Variants in KSR2 observed in about 807,000 individuals in gnomAD.
KSR2 encodes kinase suppressor of ras 2.
Under a neutral mutation model 107.8 loss-of-function variants are expected in KSR2, and 25 were observed. The observed-to-expected ratio is 0.23, with a 90% CI of 0.17 to 0.32. KSR2 has a LOEUF of 0.32. Ranked by LOEUF, KSR2 falls within the 10% of genes least tolerant of loss-of-function variation. KSR2 has a pLI of 1.00. For missense variants in KSR2, 887 were observed against 1,268.9 expected (o/e 0.70, Z 4.57); for synonymous variants, 480 against 507.0 (o/e 0.95, Z 0.71).
At chr12:117,482,852 C>T (rs1325497095) in intron 16 of KSR2, among the ~76,000 whole-genome samples, 2 of 152,214 alleles carry the variant, frequency 1.3e-5, no homozygotes, top group African/African-American at 4.8e-5. Flanking sequence ...TTTTATAAAA[C>T]AGCCCAGAAG....
chr12:117,567,981 A>G lies in KSR2; in HGVS notation c.1326-9408T>C, dbSNP rs547913690. Among the ~76,000 whole-genome samples the G allele has an allele frequency of 5.9e-5, 9 of 152,340 alleles. No individual in the cohort carries two copies. In the East Asian group the frequency reaches 1.7e-3, roughly 29 times the overall value. On this transcript the variant is annotated intron_variant, in intron 7 of 19. Transcript: ENST00000339824. ...CAAAACACCCTTTCCCTCACTGCTA[A>G]CAACTCAGTGGGGTCTAGCTCTTTA... is the stretch of plus-strand genomic sequence containing the variant.
At chr12:117,784,973 A>C (rs1020689648) in intron 3 of KSR2, among the ~76,000 whole-genome samples, 12 of 152,356 alleles carry the variant, frequency 7.9e-5, no homozygotes, top group African/African-American at 2.4e-4. Context: ...CTGACTGCTT[A>C]AGAAAAACAA....
intron 9 of KSR2, 79 bp downstream of exon 9, chr12:117,555,090 A>T: frequency 1.3e-6 from 2 of 1,579,306 alleles, no homozygotes; most frequent in Non-Finnish European, 1.7e-6. Context: ...ATACTCCCAG[A>T]TCAACCCTTC....
At chr12:117,827,519 C>A (rs1891804663) in intron 3 of KSR2, among the ~76,000 whole-genome samples, 2 of 152,112 alleles carry the variant, frequency 1.3e-5, no homozygotes, top group South Asian at 4.2e-4. Flanking sequence ...ATAATAATTA[C>A]CATATAAAGT....
rs563629713 is a variant in KSR2 at position 117,683,032 on chromosome 12, C to T, written c.987-15374G>A. ...ACAGTCTAAGATGCAGGCACATATA[C>T]GTATCAACACTTTCTAGAAAGACAG... On this transcript the variant is annotated intron_variant, in intron 4 of 19. Transcript: ENST00000339824. Among the ~76,000 whole-genome samples the T allele has an allele frequency of 1.2e-3, 177 of 152,132 alleles. 4 individuals are homozygous for T. The South Asian group carries it at 0.032, about 27-fold the overall frequency.
At chr12:117,870,052 CTCTG>C (rs963844763) in intron 1 of KSR2, among the ~76,000 whole-genome samples, 1 of 152,218 alleles carries the variant, frequency 6.6e-6, no homozygotes, top group African/African-American at 2.4e-5. Flanking sequence ...GATCCCAAAG[CTCTG>C]TCTCTTTACC....
intron 4 of KSR2, among the ~76,000 whole-genome samples, chr12:117,721,460 T>A (rs922431981): frequency 6.6e-6 from 1 of 152,214 alleles, no homozygotes; most frequent in African/African-American, 2.4e-5. Flanking sequence ...GGATTTCTAC[T>A]GTTGTCCCAG....
intron 4 of KSR2, among the ~76,000 whole-genome samples, chr12:117,757,362 G>T (rs1221602865): frequency 6.6e-6 from 1 of 152,242 alleles, no homozygotes; most frequent in Non-Finnish European, 1.5e-5. Context: ...AAGGAAAGTG[G>T]TTTCTTGAGA....
intron 18 of KSR2, 55 bp downstream of exon 18, chr12:117,471,136 G>T: frequency 1.3e-6 from 2 of 1,599,052 alleles, no homozygotes; most frequent in South Asian, 2.3e-5. Flanking sequence ...GAAGGCCCAT[G>T]ACTGTGTCTG....
chr12:117,576,016 T>C (rs1255422141), intron 7 of KSR2, among the ~76,000 whole-genome samples: 1 of 152,122 alleles, frequency 6.6e-6, no homozygotes, highest in Non-Finnish European at 1.5e-5. Flanking sequence ...TCTTGAAGCT[T>C]ACCCCCCCAC....
At position 117,539,610 on chromosome 12, in the gene KSR2, C is replaced by T. The variant is rs1392678476; in HGVS notation, c.1687+109G>A. ...CCCTCTCTGGTCATTGACCCATTCG[C>T]TTTCCTGCAGAGACTTGCTGCATCA... is the stretch of plus-strand genomic sequence containing the variant. On this transcript the variant is annotated intron_variant, in intron 10 of 19. Transcript: ENST00000339824. The T allele has an allele frequency of 2.7e-6, 3 of 1,123,444 alleles. No homozygotes were observed. In the African/African-American group the frequency reaches 4.8e-5, roughly 18 times the overall value. The allele number at this position is 1,123,444 out of a possible 1,614,324, so 69.6% of individuals were successfully genotyped here. A position where few individuals can be genotyped will look rare whatever the true frequency, so the allele number is the denominator to read the frequency against.
chr12:117,777,088 T>TTATA (rs1288633301), intron 3 of KSR2, among the ~76,000 whole-genome samples: 216 of 132,540 alleles, frequency 1.6e-3, no homozygotes, highest in South Asian at 5.8e-3. Flanking sequence ...TATATATATT[T>TTATA]TATATATATA....
chr12:117,757,167 G>A (rs1888827236), intron 4 of KSR2, among the ~76,000 whole-genome samples: 1 of 152,078 alleles, frequency 6.6e-6, no homozygotes. Context: ...GAGTTTGGAA[G>A]AAGTTGATTC....
chr12:117,893,532 C>T (rs893065547), intron 1 of KSR2, among the ~76,000 whole-genome samples: 1 of 152,134 alleles, frequency 6.6e-6, no homozygotes, highest in African/African-American at 2.4e-5. Flanking sequence ...GGTCCAAATC[C>T]GACTCACCAC....
At chr12:117,828,920 A>C (rs1891854055) in intron 3 of KSR2, among the ~76,000 whole-genome samples, 1 of 152,216 alleles carries the variant, frequency 6.6e-6, no homozygotes, top group African/African-American at 2.4e-5. Context: ...GTGGGGAGTC[A>C]ATTCCAAAAG....
At chr12:117,765,920 T>C (rs957274715) in intron 3 of KSR2, among the ~76,000 whole-genome samples, 1 of 152,186 alleles carries the variant, frequency 6.6e-6, no homozygotes, top group Non-Finnish European at 1.5e-5. Context: ...GGTGAAAACA[T>C]CTATTCTGGG....
chr12:117,795,881 G>A, intron 3 of KSR2, among the ~76,000 whole-genome samples: 1 of 152,040 alleles, frequency 6.6e-6, no homozygotes, highest in Admixed American at 6.6e-5. Context: ...AAAGCGCCAG[G>A]ACTACAGACA....
At chr12:117,704,482 G>A (rs1405713003) in intron 4 of KSR2, among the ~76,000 whole-genome samples, 1 of 152,182 alleles carries the variant, frequency 6.6e-6, no homozygotes, top group African/African-American at 2.4e-5. Flanking sequence ...AACAGAGCCT[G>A]TGTGACCCAT....
At chr12:117,472,638 C>G (rs1482623736) in intron 17 of KSR2, among the ~76,000 whole-genome samples, 1 of 152,186 alleles carries the variant, frequency 6.6e-6, no homozygotes, top group Non-Finnish European at 1.5e-5. Context: ...TTACATCTTC[C>G]TTCTACCTGA....
Sources: gnomAD v4.1 joint callset for allele counts (sites outside exome capture counted in the v4.1 genomes callset) on GRCh38, gnomAD v4.1.1 for gene constraint, MANE v1.5 for transcripts, NCBI Gene and HGNC (gene_info 2026-07-23, HGNC 2026-07-21) for gene names.